FAM110B: variants seen among roughly 807,000 people sequenced by gnomAD.
FAM110B encodes protein FAM110B.
A neutral mutation model predicts 20.4 loss-of-function variants in FAM110B; 6 were observed. The observed-to-expected ratio is 0.29, with a 90% confidence interval of 0.16 to 0.58. FAM110B has a LOEUF of 0.58. FAM110B is among the 20% of genes least tolerant of loss of function. The pLI is 0.90. For synonymous variants in FAM110B, 226 were observed against 214.1 expected (o/e 1.06, Z -0.49); for missense variants, 434 against 498.2 (o/e 0.87, Z 1.23).
At chr8:58,011,398 T>C (rs1358356262) in intron 1 of FAM110B, among the ~76,000 whole-genome samples, 1 of 152,150 alleles carries the variant, frequency 6.6e-6, no homozygotes, top group African/African-American at 2.4e-5. Flanking sequence ...ACTGCAGACA[T>C]TAAACGGTTT....
chr8:58,097,515 T>G (rs1307307567), intron 3 of FAM110B, among the ~76,000 whole-genome samples: 1 of 152,150 alleles, frequency 6.6e-6, no homozygotes, highest in Admixed American at 6.5e-5. Context: ...GAGGAGTTTG[T>G]TATTACCCAC....
At chr8:58,001,141 A>T (rs1804286782) in intron 1 of FAM110B, among the ~76,000 whole-genome samples, 1 of 152,180 alleles carries the variant, frequency 6.6e-6, no homozygotes, top group African/African-American at 2.4e-5. Flanking sequence ...TTAGTTCCTT[A>T]ATTTAATGAA....
At chr8:58,013,623 G>A (rs1455382043) in intron 1 of FAM110B, among the ~76,000 whole-genome samples, 1 of 152,146 alleles carries the variant, frequency 6.6e-6, no homozygotes, top group African/African-American at 2.4e-5. Flanking sequence ...GACACAGAGG[G>A]GGAGTCCAGT....
intron 3 of FAM110B, among the ~76,000 whole-genome samples, chr8:58,076,211 C>T (rs777931704): frequency 9.9e-5 from 15 of 152,166 alleles, no homozygotes; most frequent in Non-Finnish European, 1.6e-4. Context: ...CCTTCCACCT[C>T]GCCGTTGCAA....
At chr8:58,056,516 T>C (rs917932634) in intron 2 of FAM110B, among the ~76,000 whole-genome samples, 1 of 152,218 alleles carries the variant, frequency 6.6e-6, no homozygotes, top group Non-Finnish European at 1.5e-5. Flanking sequence ...CCTGATAACA[T>C]TTAAAACTAA....
intron 1 of FAM110B, among the ~76,000 whole-genome samples, chr8:58,023,042 T>G (rs1472512066): frequency 6.6e-6 from 1 of 152,206 alleles, no homozygotes; most frequent in African/African-American, 2.4e-5. Flanking sequence ...TAAAGAGAGA[T>G]AAACTTCATC....
chr8:58,070,104 G>A (rs1463921587), intron 2 of FAM110B: 4 of 152,234 alleles, frequency 2.6e-5, no homozygotes, highest in Admixed American at 6.5e-5. Flanking sequence ...GTGACAGCCT[G>A]TGTCTCAGAG....
At chr8:58,100,023 C>A (rs1160497575) in intron 3 of FAM110B, among the ~76,000 whole-genome samples, 1 of 152,130 alleles carries the variant, frequency 6.6e-6, no homozygotes, top group African/African-American at 2.4e-5. Context: ...TCCTCCCAAG[C>A]CATTTCTCAG....
At chr8:58,013,723 C>T (rs1280634517) in intron 1 of FAM110B, among the ~76,000 whole-genome samples, 1 of 152,152 alleles carries the variant, frequency 6.6e-6, no homozygotes, top group Non-Finnish European at 1.5e-5. Flanking sequence ...ACTACAGTTG[C>T]TATTGCTATT....
At chr8:58,043,663 C>G (rs1805262977) in intron 2 of FAM110B, among the ~76,000 whole-genome samples, 2 of 152,112 alleles carry the variant, frequency 1.3e-5, no homozygotes, top group African/African-American at 4.8e-5. Flanking sequence ...AACCCCTGAC[C>G]TCTTTCTGCT....
chr8:58,146,483 G>T lies in FAM110B; in HGVS notation c.253G>T (p.Val85Leu), dbSNP rs750795228. Residue 85 changes from valine (V) to leucine (L), a missense_variant, in exon 4 of 4, where the codon GTG becomes TTG. Physicochemically the swap from Val to Leu is conservative, Grantham distance 32 (BLOSUM62 1). Transcript: ENST00000519262. Reference sequence around the variant, plus strand: ...GCCCGCCGTGCTGGCCAAGCCCCCGGTGTGCCCGGCTGCCAAGCGCGCACT... The same window carrying T: ...GCCCGCCGTGCTGGCCAAGCCCCCGTTGTGCCCGGCTGCCAAGCGCGCACT... The part of the protein sequence containing the change: ...VKPAVLAKPP[V>L]CPAAKRALGS... 2 of 1,613,534 alleles carry T rather than the reference G, an allele frequency of 1.2e-6. No homozygotes were observed. The highest frequency in any genetic ancestry group is 2.7e-5 in the African/African-American group (2 of 74,920).
At chr8:58,138,409 C>T (rs1803670188) in intron 3 of FAM110B, among the ~76,000 whole-genome samples, 1 of 152,242 alleles carries the variant, frequency 6.6e-6, no homozygotes, top group South Asian at 2.1e-4. Context: ...CAGCTTCATC[C>T]TGCCTGTGTG....
At chr8:58,084,917 A>T (rs1180417018) in intron 3 of FAM110B, among the ~76,000 whole-genome samples, 1 of 152,090 alleles carries the variant, frequency 6.6e-6, no homozygotes, top group African/African-American at 2.4e-5. Flanking sequence ...AGCATAGTAC[A>T]AGGAGTAGGT....
chr8:58,087,383 T>C (rs2150601134), intron 3 of FAM110B, among the ~76,000 whole-genome samples: 1 of 152,354 alleles, frequency 6.6e-6, no homozygotes, highest in East Asian at 1.9e-4. Context: ...AGCAATTTGC[T>C]TTTTGAATAG....
intron 3 of FAM110B, among the ~76,000 whole-genome samples, chr8:58,100,436 G>A (rs1226013738): frequency 6.6e-6 from 1 of 152,168 alleles, no homozygotes; most frequent in African/African-American, 2.4e-5. Context: ...CCACAGACTG[G>A]GTGGTTGAGA....
chr8:58,103,235 A>G (rs1170871707), intron 3 of FAM110B, among the ~76,000 whole-genome samples: 2 of 151,900 alleles, frequency 1.3e-5, no homozygotes, highest in African/African-American at 2.4e-5. Flanking sequence ...GGTTAGTTAC[A>G]TATGTATACA....
chr8:58,052,710 C>T (rs1054575260), intron 2 of FAM110B, among the ~76,000 whole-genome samples: 14 of 143,518 alleles, frequency 9.8e-5, no homozygotes, highest in African/African-American at 3.6e-4. Context: ...AGGCAGAGTT[C>T]TAAGATGGCC....
intron 3 of FAM110B, among the ~76,000 whole-genome samples, chr8:58,127,751 A>C (rs1807546820): frequency 6.6e-6 from 1 of 152,208 alleles, no homozygotes; most frequent in Non-Finnish European, 1.5e-5. Context: ...CTAATAAAAC[A>C]CATCTAGAAC....
intron 1 of FAM110B, among the ~76,000 whole-genome samples, chr8:58,025,832 T>C (rs144284026): frequency 2.2e-3 from 337 of 152,352 alleles, no homozygotes; most frequent in Middle Eastern, 0.014. Flanking sequence ...ATGATGTCTC[T>C]TCCTCCACAT....
Sources: gnomAD v4.1 joint callset for allele counts (sites outside exome capture counted in the v4.1 genomes callset) on GRCh38, gnomAD v4.1.1 for gene constraint, MANE v1.5 for transcripts, NCBI Gene and HGNC (gene_info 2026-07-23, HGNC 2026-07-21) for gene names.